SQOR: variants seen among roughly 807,000 people sequenced by gnomAD.
SQOR encodes the protein sulfide quinone oxidoreductase.
Under a neutral mutation model 48.6 loss-of-function variants are expected in SQOR, and 39 were observed. The observed-to-expected ratio is 0.80, with a 90% CI of 0.62 to 1.05. The LOEUF (loss-of-function observed/expected upper bound fraction) is 1.05. Among genes scored for constraint, SQOR ranks in the 50% least tolerant of loss-of-function variants. SQOR has a pLI of 0.00. For missense variants in SQOR, 561 were observed against 559.9 expected (o/e 1.00, Z -0.02); for synonymous variants, 220 against 206.2 (o/e 1.07, Z -0.57).
chr15:45,683,012 G>A (rs1489522591), intron 7 of SQOR, among the ~76,000 whole-genome samples: 3 of 136,606 alleles, frequency 2.2e-5, no homozygotes, highest in African/African-American at 8.5e-5. Flanking sequence ...GGGTGACAGA[G>A]CAAGGCTTCA....
intron 3 of SQOR, among the ~76,000 whole-genome samples, chr15:45,664,498 C>G (rs1889777838): frequency 1.3e-5 from 2 of 152,104 alleles, no homozygotes. Context: ...TCCCCCCAGC[C>G]CCCTCTTTAT....
intron 3 of SQOR, 91 bp from the exon 4 acceptor site, chr15:45,669,837 G>C (rs1352966487): frequency 3.7e-6 from 4 of 1,075,780 alleles, no homozygotes; most frequent in Non-Finnish European, 5.8e-6. Context: ...GCCTCCCTTA[G>C]ACCACATGGA....
intron 6 of SQOR, among the ~76,000 whole-genome samples, chr15:45,681,045 A>G (rs1046803259): frequency 1.3e-5 from 2 of 152,022 alleles, no homozygotes; most frequent in African/African-American, 4.8e-5. Context: ...CGAGTCTCTA[A>G]TAAAAGAAAA....
chr15:45,633,322 T>C (rs939205931), upstream of SQOR, among the ~76,000 whole-genome samples: 2 of 152,190 alleles, frequency 1.3e-5, no homozygotes, highest in Admixed American at 6.5e-5. Flanking sequence ...TTTCCAGGAA[T>C]GTTTCTATTG....
intron 6 of SQOR, 63 bp from the exon 7 acceptor site, chr15:45,682,415 A>G: frequency 6.4e-7 from 1 of 1,558,032 alleles, no homozygotes; most frequent in Non-Finnish European, 8.8e-7. Context: ...AGGTAGGGGG[A>G]GAGCTTGTGG....
At chr15:45,651,773 T>C (rs1889496083) in intron 1 of SQOR, among the ~76,000 whole-genome samples, 1 of 151,468 alleles carries the variant, frequency 6.6e-6, no homozygotes, top group African/African-American at 2.4e-5. Context: ...CCGGCCTTGA[T>C]TTTTAAGTGT....
intron 6 of SQOR, among the ~76,000 whole-genome samples, chr15:45,679,657 A>T (rs559600917): frequency 6.6e-6 from 1 of 152,302 alleles, no homozygotes; most frequent in South Asian, 2.1e-4. Flanking sequence ...CACTTTGGAG[A>T]TTGTCTAGTC....
At chr15:45,661,883 C>T (rs769402443) in intron 2 of SQOR, 72 bp from the exon 3 acceptor site, 109 of 1,461,010 alleles carry the variant, frequency 7.5e-5, no homozygotes, top group Non-Finnish European at 9.9e-5. Flanking sequence ...AGAATCTAGC[C>T]CATACTGTTA....
At chr15:45,688,145 C>T (rs746649574) in intron 7 of SQOR, among the ~76,000 whole-genome samples, 192 bp from the exon 8 acceptor site, 1 of 152,158 alleles carries the variant, frequency 6.6e-6, no homozygotes, top group Non-Finnish European at 1.5e-5. Flanking sequence ...GAAACACATG[C>T]GCAGGCCTTC....
intron 1 of SQOR, among the ~76,000 whole-genome samples, chr15:45,637,855 A>C (rs1895031849): frequency 6.6e-6 from 1 of 152,212 alleles, no homozygotes; most frequent in Non-Finnish European, 1.5e-5. Flanking sequence ...GCATAGATGT[A>C]CTTTTTTCTT....
At position 45,662,043 on chromosome 15, in the gene SQOR, C is replaced by T. The variant is rs774156131; in HGVS notation, c.323C>T (p.Pro108Leu). 2 of 1,614,206 alleles carry T rather than the reference C, an allele frequency of 1.2e-6. No individual in the cohort carries two copies. Among genetic ancestry groups the T allele is most frequent in the Non-Finnish European group, 1.7e-6 (2 of 1,180,030 alleles). ...GGTCGTCCCACGGCAAGTGTGATTC[C>T]ATCTGGTGTAGAATGGATCAAAGCT... ...SSGRPTASVI[P>L]SGVEWIKARV... The change falls in exon 3 of 10, where the codon CCA becomes CTA. Residue 108 changes from proline (P) to leucine (L), a missense_variant. Coordinates refer to ENST00000260324, the MANE Select transcript of SQOR (RefSeq NM_021199.4).
At chr15:45,635,929 G>A (rs1234746971) in intron 1 of SQOR, among the ~76,000 whole-genome samples, 5 of 152,018 alleles carry the variant, frequency 3.3e-5, no homozygotes, top group East Asian at 3.9e-4. Context: ...TCCACCTCCC[G>A]GGTTCAAGCG....
chr15:45,658,284 G>C (rs747130775), intron 1 of SQOR, among the ~76,000 whole-genome samples: 15 of 152,182 alleles, frequency 9.9e-5, no homozygotes, highest in Non-Finnish European at 1.9e-4. Flanking sequence ...CTTGTGTGTC[G>C]GTAGCCAGTG....
intron 2 of SQOR, among the ~76,000 whole-genome samples, chr15:45,661,478 A>T (rs1017206608): frequency 6.6e-6 from 1 of 152,042 alleles, no homozygotes; most frequent in Non-Finnish European, 1.5e-5. Flanking sequence ...TGGGCTTGGG[A>T]AACACAGTTG....
chr15:45,669,331 T>C (rs1889896556), intron 3 of SQOR, among the ~76,000 whole-genome samples: 1 of 151,792 alleles, frequency 6.6e-6, no homozygotes, highest in Admixed American at 6.6e-5. Flanking sequence ...ACCTAGGTAA[T>C]TTTTGTATTT....
chr15:45,650,387 G>A (rs1889454888), intron 1 of SQOR, among the ~76,000 whole-genome samples: 1 of 152,192 alleles, frequency 6.6e-6, no homozygotes, highest in Non-Finnish European at 1.5e-5. Context: ...TGTGTTTGGA[G>A]TTTCTTTCTT....
chr15:45,669,482 C>A (rs1436125503), intron 3 of SQOR, among the ~76,000 whole-genome samples: 1 of 152,148 alleles, frequency 6.6e-6, no homozygotes, highest in Non-Finnish European at 1.5e-5. Flanking sequence ...AGATTTTAGA[C>A]AGTGGATTGT....
chr15:45,679,426 G>A (rs748401947), intron 6 of SQOR, among the ~76,000 whole-genome samples: 1 of 152,120 alleles, frequency 6.6e-6, no homozygotes, highest in East Asian at 1.9e-4. Flanking sequence ...GAATTGGGCC[G>A]GACGTGGTGG....
At chr15:45,659,193 TAC>T (rs773051141) in intron 2 of SQOR, 36 bp downstream of exon 2, 18 of 1,449,596 alleles carry the variant, frequency 1.2e-5, no homozygotes, top group Non-Finnish European at 1.7e-5. Context: ...GGTGTGTGTG[TAC>T]GTGTGTGTGT....
Sources: allele counts gnomAD v4.1 joint callset (sites outside exome capture counted in the v4.1 genomes callset), GRCh38; gene constraint gnomAD v4.1.1; transcripts MANE v1.5; gene names NCBI Gene and HGNC (gene_info 2026-07-23, HGNC 2026-07-21).